NAV2: variants seen among roughly 807,000 people sequenced by gnomAD.
NAV2 encodes neuron navigator 2, also known as helicase, APC down-regulated 1.
Under a neutral mutation model 223.2 loss-of-function variants are expected in NAV2, and 54 were observed. The ratio of observed to expected loss-of-function variants is 0.24; its 90% CI spans 0.19 to 0.30. The LOEUF (loss-of-function observed/expected upper bound fraction) is 0.30, where lower values mean the gene tolerates loss of function less well. Ranked by LOEUF, NAV2 falls within the 10% of genes least tolerant of loss-of-function variation. The pLI, the probability that NAV2 is intolerant of heterozygous loss-of-function variation, is 1.00. For missense variants in NAV2, 2,806 were observed against 3,147.5 expected (o/e 0.89, Z 2.60); for synonymous variants, 1,279 against 1,239.3 (o/e 1.03, Z -0.67).
At chr11:19,618,172 C>A (rs1460396315) in intron 1 of NAV2, among the ~76,000 whole-genome samples, 1 of 152,148 alleles carries the variant, frequency 6.6e-6, no homozygotes, top group African/African-American at 2.4e-5. Context: ...TAGAATGGTG[C>A]CTCAAACATA....
chr11:19,786,791 T>C (rs1388768455), intron 1 of NAV2, among the ~76,000 whole-genome samples: 3 of 152,170 alleles, frequency 2.0e-5, no homozygotes, highest in African/African-American at 7.2e-5. Context: ...CTAGGGAGGC[T>C]GGACTAGAGG....
chr11:19,958,670 G>A lies in NAV2; in HGVS notation c.2645+9590G>A, dbSNP rs370301935. On this transcript the variant is annotated intron_variant, in intron 10 of 37. Coordinates refer to ENST00000349880, the MANE Select transcript of NAV2 (RefSeq NM_145117.5). ...CCAGTGCCTGGCATGCATGCTTTAA[G>A]CACTCAGCAGGGTTCGCTACCATAT... Among the ~76,000 whole-genome samples the A allele has an allele frequency of 3.0e-4, 45 of 152,330 alleles. 2 individuals carry two copies. In the South Asian group the frequency reaches 8.5e-3, roughly 29 times the overall value.
intron 1 of NAV2, among the ~76,000 whole-genome samples, chr11:19,673,015 T>C (rs2048612748): frequency 6.6e-6 from 1 of 152,182 alleles, no homozygotes; most frequent in African/African-American, 2.4e-5. Flanking sequence ...ACATGGTTGA[T>C]ATAATAGAAA....
At chr11:19,738,855 G>A (rs1329926806) in intron 1 of NAV2, among the ~76,000 whole-genome samples, 1 of 152,180 alleles carries the variant, frequency 6.6e-6, no homozygotes. Context: ...ACCTCCCTTG[G>A]AGCTCAGTAA....
At chr11:19,396,856 A>T (rs770256158) in intron 1 of NAV2, among the ~76,000 whole-genome samples, 2 of 152,232 alleles carry the variant, frequency 1.3e-5, no homozygotes, top group Non-Finnish European at 2.9e-5. Context: ...CCAAAAATAC[A>T]TGCTACCAGG....
intron 1 of NAV2, among the ~76,000 whole-genome samples, chr11:19,697,046 G>C (rs139285191): frequency 5.4e-4 from 83 of 152,326 alleles, no homozygotes; most frequent in African/African-American, 2.0e-3. Context: ...CAGAAGGTGT[G>C]CCTTCAGAGA....
intron 11 of NAV2, among the ~76,000 whole-genome samples, chr11:20,027,071 G>A (rs2055157098): frequency 6.6e-6 from 1 of 152,168 alleles, no homozygotes; most frequent in African/African-American, 2.4e-5. Flanking sequence ...ACAAAAGGTA[G>A]GACTCTGCAG....
chr11:20,059,334 A>T (rs2058560354), intron 19 of NAV2, among the ~76,000 whole-genome samples: 2 of 151,988 alleles, frequency 1.3e-5, no homozygotes, highest in Admixed American at 6.6e-5. Flanking sequence ...GATGTAATGT[A>T]CTCTGTTGTT....
intron 1 of NAV2, among the ~76,000 whole-genome samples, chr11:19,445,865 T>G (rs1283794213): frequency 6.6e-6 from 1 of 151,830 alleles, no homozygotes; most frequent in Non-Finnish European, 1.5e-5. Flanking sequence ...ATCTTTCCAA[T>G]AGTTTACAAG....
intron 10 of NAV2, among the ~76,000 whole-genome samples, chr11:19,970,614 C>T (rs550930258): frequency 2.6e-5 from 4 of 152,168 alleles, no homozygotes; most frequent in South Asian, 2.1e-4. Flanking sequence ...ACAGAGCTAC[C>T]TTTATTGAAC....
intron 1 of NAV2, among the ~76,000 whole-genome samples, chr11:19,648,044 G>A (rs1339614158): frequency 2.0e-5 from 3 of 152,192 alleles, no homozygotes; most frequent in Non-Finnish European, 4.4e-5. Context: ...TTGATATGCT[G>A]TGGTATGCTG....
intron 1 of NAV2, among the ~76,000 whole-genome samples, chr11:19,568,471 G>T (rs1210907378): frequency 6.6e-6 from 1 of 152,166 alleles, no homozygotes; most frequent in Non-Finnish European, 1.5e-5. Context: ...TCTGGATTGT[G>T]ATTGTGAGTT....
At chr11:19,761,769 C>T (rs527298993) in intron 1 of NAV2, among the ~76,000 whole-genome samples, 47 of 152,354 alleles carry the variant, frequency 3.1e-4, no homozygotes, top group African/African-American at 1.1e-3. Context: ...ATCCTACCCT[C>T]ATCCTCATCT....
At position 19,643,579 on chromosome 11, in the gene NAV2, G is replaced by A. The variant is rs534035124; in HGVS notation, c.76-188905G>A. 6.6e-5 allele frequency among the ~76,000 whole-genome samples: 10 copies of A among 152,218 alleles called. No homozygotes were observed. In the South Asian group the frequency reaches 1.7e-3, roughly 25 times the overall value. Reference sequence around the variant, plus strand: ...CAGTCTATCATTGTTGGACATTAGGGTTGGTTCCAAGTCTTTGTAATTGTG... The same window carrying A: ...CAGTCTATCATTGTTGGACATTAGGATTGGTTCCAAGTCTTTGTAATTGTG... On this transcript the variant is annotated intron_variant, in intron 1 of 37. Coordinates refer to the NAV2 transcript ENST00000360655.
intron 1 of NAV2, among the ~76,000 whole-genome samples, chr11:19,401,117 T>C (rs1243353244): frequency 6.6e-6 from 1 of 152,222 alleles, no homozygotes; most frequent in Admixed American, 6.5e-5. Context: ...ATGCTCTCAG[T>C]GCTTCTAGAG....
chr11:20,048,796 T>G lies in NAV2; in HGVS notation c.3971T>G (p.Val1324Gly), dbSNP rs748015506. 17 of 1,614,108 alleles carry G rather than the reference T, an allele frequency of 1.1e-5. No individual in the cohort carries two copies. Among genetic ancestry groups the G allele is most frequent in the Non-Finnish European group, 1.4e-5 (16 of 1,180,020 alleles). Reference sequence around the variant, plus strand: ...GCTGAAAACATGAAAAATTCGGTGGTCATCTCCAATCCTCATGCCACCATG... The same window carrying G: ...GCTGAAAACATGAAAAATTCGGTGGGCATCTCCAATCCTCATGCCACCATG... ...ATAENMKNSV[V>G]ISNPHATMTQ... The change falls in exon 15 of 38, where the codon GTC (valine) becomes GGC (glycine). Residue 1324 changes from valine (V) to glycine (G), a missense_variant. By Grantham distance (109) the Val-to-Gly change is moderately radical (BLOSUM62 -3). Coordinates refer to ENST00000349880, the MANE Select transcript of NAV2 (RefSeq NM_145117.5).
At chr11:19,644,088 A>G (rs1370511619) in intron 1 of NAV2, among the ~76,000 whole-genome samples, 1 of 152,070 alleles carries the variant, frequency 6.6e-6, no homozygotes, top group Non-Finnish European at 1.5e-5. Context: ...GTGCACACAC[A>G]CACACACAGC....
chr11:19,484,127 AACACACAC>A (rs58138697), intron 1 of NAV2, among the ~76,000 whole-genome samples: 11 of 144,894 alleles, frequency 7.6e-5, no homozygotes, highest in African/African-American at 2.8e-4. Flanking sequence ...ACTGATCACA[AACACACAC>A]ACACACACAC....
intron 1 of NAV2, among the ~76,000 whole-genome samples, chr11:19,533,194 A>T (rs185838115): frequency 6.6e-6 from 1 of 152,006 alleles, no homozygotes; most frequent in Non-Finnish European, 1.5e-5. Context: ...TATAGTGTAG[A>T]CCGGGGTTTC....
Sources: allele counts gnomAD v4.1 joint callset (sites outside exome capture counted in the v4.1 genomes callset), GRCh38; gene constraint gnomAD v4.1.1; transcripts MANE v1.5; gene names NCBI Gene and HGNC (gene_info 2026-07-23, HGNC 2026-07-21).